ZC3H14: variants seen among roughly 807,000 people sequenced by gnomAD.
ZC3H14 encodes the protein zinc finger CCCH-type containing 14.
Under a neutral mutation model 92.4 loss-of-function variants are expected in ZC3H14, and 31 were observed. The ratio of observed to expected loss-of-function variants is 0.34; its 90% CI spans 0.25 to 0.45. ZC3H14 has a LOEUF of 0.45. Ranked by LOEUF, ZC3H14 falls within the 20% of genes least tolerant of loss-of-function variation. The pLI, the probability that ZC3H14 is intolerant of heterozygous loss-of-function variation, is 1.00. For missense variants in ZC3H14, 781 were observed against 897.3 expected, an observed-to-expected ratio of 0.87 and a Z score of 1.66; for synonymous variants, 321 against 300.9, an observed-to-expected ratio of 1.07 and a Z score of -0.69.
At chr14:88,574,990 G>T in intron 7 of ZC3H14, 137 bp downstream of exon 7, 1 of 1,334,238 alleles carries the variant, frequency 7.5e-7, no homozygotes, top group Non-Finnish European at 1.0e-6. Flanking sequence ...AGGCTGGAGT[G>T]CAGTGCCACG....
At chr14:88,577,909 A>T (rs1033445852) in intron 8 of ZC3H14, 76 bp from the exon 9 acceptor site, 2 of 1,575,398 alleles carry the variant, frequency 1.3e-6, no homozygotes, top group African/African-American at 2.7e-5. Flanking sequence ...ATTTATATTT[A>T]ATATGACATA....
chr14:88,566,199 T>C (rs2079600239), intron 2 of ZC3H14, among the ~76,000 whole-genome samples: 2 of 151,608 alleles, frequency 1.3e-5, no homozygotes, highest in Admixed American at 1.3e-4. Flanking sequence ...TTTTGGAAAA[T>C]TTAATAATGT....
chr14:88,609,855 T>A, intron 15 of ZC3H14, 52 bp downstream of exon 15: 1 of 1,569,608 alleles, frequency 6.4e-7, no homozygotes, highest in Non-Finnish European at 8.8e-7. Flanking sequence ...CTCAATTTCC[T>A]CATTTAACTT....
rs1190372468 is a variant in ZC3H14, at chr14:88,618,184, G to A, written c.*6433G>A. On this transcript the variant is annotated 3_prime_UTR_variant, in exon 17 of 17. Transcript: ENST00000251038. ...GTTCAGAAATAGGATTTTCTAACTG[G>A]CCTTCAAAGTCAGTTCTTGCCTTGT... 1.3e-6 allele frequency: 2 copies of A among 1,520,512 alleles called. No homozygotes were observed. The highest frequency in any genetic ancestry group is 1.8e-6 in the Non-Finnish European group (2 of 1,099,306). The allele number at this position is 1,520,512 out of a possible 1,614,324, so 94.2% of individuals were successfully genotyped here.
At chr14:88,579,461 G>A (rs555637928) in intron 9 of ZC3H14, among the ~76,000 whole-genome samples, 9 of 152,164 alleles carry the variant, frequency 5.9e-5, no homozygotes, top group Non-Finnish European at 5.9e-5. Flanking sequence ...TAAAAGGACT[G>A]CAGTGGTCTA....
At position 88,622,486 on chromosome 14, in the gene ZC3H14, C is replaced by A; in HGVS notation, c.*10735C>A. ...GCAAAGACAGAGTAATGTTGGCAAG[C>A]AAATCCATCGTTATGCATTATTAAG... On this transcript the variant is annotated 3_prime_UTR_variant, in exon 17 of 17. Transcript: ENST00000251038. 1.3e-6 allele frequency: 1 copy of A among 783,506 alleles called. No individual in the cohort carries two copies. Among genetic ancestry groups the A allele is most frequent in the Non-Finnish European group, 1.8e-6 (1 of 542,274 alleles). 48.5% of individuals were successfully genotyped at this position (783,506 alleles called of 1,614,324 possible).
At chr14:88,589,735 C>G (rs2082880984) in intron 9 of ZC3H14, 1 of 152,330 alleles carries the variant, frequency 6.6e-6, no homozygotes, top group Non-Finnish European at 1.5e-5. Flanking sequence ...TCTTCCCTCT[C>G]TACCTCTGTC....
In ZC3H14 at chr14:88,563,842, T is replaced by C. The variant is rs1373649095; in HGVS notation, c.79+149T>C. 1.0e-5 allele frequency: 8 copies of C among 792,018 alleles called. No individual in the cohort carries two copies. The Middle Eastern group carries it at 9.4e-4, about 93-fold the overall frequency. 49.1% of individuals were successfully genotyped at this position (792,018 alleles called of 1,614,324 possible). A position where few individuals can be genotyped will look rare whatever the true frequency, so the allele number is the denominator to read the frequency against. On this transcript the variant is annotated intron_variant, in intron 2 of 16. Coordinates refer to ENST00000251038, the MANE Select transcript of ZC3H14 (RefSeq NM_024824.5). Reference sequence around the variant, plus strand: ...ATCTTATACTCCCTGGTTACTTCTTTATCATCTTTTTGCAACCTTGTTTTT... The same window carrying C: ...ATCTTATACTCCCTGGTTACTTCTTCATCATCTTTTTGCAACCTTGTTTTT...
intron 9 of ZC3H14, chr14:88,590,188 T>C (rs1254899589): frequency 6.6e-6 from 1 of 152,224 alleles, no homozygotes; most frequent in East Asian, 1.9e-4. Flanking sequence ...TACTTGATTA[T>C]TGGAATAGTG....
intron 9 of ZC3H14, chr14:88,594,674 G>C (rs1299823746): frequency 6.2e-7 from 1 of 1,612,194 alleles, no homozygotes; most frequent in African/African-American, 1.3e-5. Context: ...AAAATTATCA[G>C]ATTTTAAGGG....
Position 88,614,925 on chromosome 14 carries a change from T to G in ZC3H14, c.*3174T>G, listed in dbSNP as rs985149423. 3 of 152,234 alleles carry G rather than the reference T, an allele frequency of 2.0e-5. No homozygotes were observed. The highest frequency in any genetic ancestry group is 7.2e-5 in the African/African-American group (3 of 41,470). 9.4% of individuals were successfully genotyped at this position (152,234 alleles called of 1,614,324 possible). ...TGATTAAATTGTATAATGTTGTATA[T>G]GTGAATTTAACACTTTTGTTTACAT... On this transcript the variant is annotated 3_prime_UTR_variant, in exon 17 of 17. Transcript: ENST00000251038.
At position 88,616,347 on chromosome 14, in the gene ZC3H14, G is replaced by A; in HGVS notation, c.*4596G>A. 1 of 1,141,894 alleles carries A rather than the reference G, an allele frequency of 8.8e-7. No individual in the cohort carries two copies. Among genetic ancestry groups the A allele is most frequent in the Non-Finnish European group, 1.3e-6 (1 of 765,056 alleles). 70.7% of individuals were successfully genotyped at this position (1,141,894 alleles called of 1,614,324 possible). A position where few individuals can be genotyped will look rare whatever the true frequency, so the allele number is the denominator to read the frequency against. On this transcript the variant is annotated 3_prime_UTR_variant, in exon 17 of 17. Coordinates refer to ENST00000251038, the MANE Select transcript of ZC3H14 (RefSeq NM_024824.5). ...ATGACAAGAGCTGTGGAGAGAGTAG[G>A]GAGTTAGCACCGCAGCCAGTGATTA...
At chr14:88,585,667 G>A (rs1178067651) in intron 9 of ZC3H14, among the ~76,000 whole-genome samples, 1 of 152,066 alleles carries the variant, frequency 6.6e-6, no homozygotes, top group African/African-American at 2.4e-5. Context: ...TGGGATTATA[G>A]GTGTGAGCCA....
intron 13 of ZC3H14, 58 bp from the exon 14 acceptor site, chr14:88,609,209 G>GAAC: frequency 6.2e-7 from 1 of 1,609,042 alleles, no homozygotes; most frequent in South Asian, 1.1e-5. Context: ...CTTATACACA[G>GAAC]AACTAATAAT....
At chr14:88,575,785 C>G in intron 7 of ZC3H14, 55 bp from the exon 8 acceptor site, 1 of 1,437,454 alleles carries the variant, frequency 7.0e-7, no homozygotes, top group Non-Finnish European at 9.8e-7. Flanking sequence ...GATGGCTGGC[C>G]TGTGAGGAAC....
At chr14:88,592,143 C>G (rs1413714565) in intron 9 of ZC3H14, 4 of 152,036 alleles carry the variant, frequency 2.6e-5, no homozygotes, top group Non-Finnish European at 4.4e-5. Flanking sequence ...TCTTGTTTCT[C>G]TGTGACCCGT....
rs1008731884 is a variant in ZC3H14, at chr14:88,624,066, AT to A, written c.*12324del. 8.0e-5 allele frequency: 12 copies of A among 150,878 alleles called. 1 individual carries two copies. Among genetic ancestry groups the A allele is most frequent in the South Asian group, 2.1e-4 (1 of 4,760 alleles). 9.3% of individuals were successfully genotyped at this position (150,878 alleles called of 1,614,324 possible). A position where few individuals can be genotyped will look rare whatever the true frequency, so the allele number is the denominator to read the frequency against. On this transcript the variant is annotated 3_prime_UTR_variant, in exon 17 of 17. Transcript: ENST00000251038. ...TACTTCTTAGTCAACTATATGTCAC[AT>A]TTTTTTTTGTTTTTGTTTTTGTTTT...
chr14:88,624,992 C>T lies in ZC3H14; in HGVS notation c.*13241C>T, dbSNP rs748726565. 4 of 1,613,630 alleles carry T rather than the reference C, an allele frequency of 2.5e-6. No individual in the cohort carries two copies. Among genetic ancestry groups the T allele is most frequent in the East Asian group, 2.2e-5 (1 of 44,872 alleles). ...CACGGCCTTTCCTTTCCCCCAGTCA[C>T]GATAAGTCCATCTCGCAGGGTGGTG... On this transcript the variant is annotated 3_prime_UTR_variant, in exon 17 of 17. Transcript: ENST00000251038.
chr14:88,580,186 C>T (rs2081717369), intron 9 of ZC3H14, among the ~76,000 whole-genome samples: 1 of 151,054 alleles, frequency 6.6e-6, no homozygotes, highest in Non-Finnish European at 1.5e-5. Flanking sequence ...ACGATCATAC[C>T]ATTGCCCTCC....
Sources: gnomAD v4.1 joint callset for allele counts (sites outside exome capture counted in the v4.1 genomes callset) on GRCh38, gnomAD v4.1.1 for gene constraint, MANE v1.5 for transcripts, NCBI Gene and HGNC (gene_info 2026-07-23, HGNC 2026-07-21) for gene names.